Variants in CBFA2T2 observed in about 807,000 individuals in gnomAD.
The protein encoded by CBFA2T2 is protein CBFA2T2.
In CBFA2T2, 11 loss-of-function variants were observed where a neutral mutation model predicts 62.2. The observed-to-expected ratio is 0.18, with a 90% CI of 0.11 to 0.29. The LOEUF (loss-of-function observed/expected upper bound fraction) is 0.29, where lower values mean the gene tolerates loss of function less well. CBFA2T2 is among the 10% of genes least tolerant of loss of function. The pLI is 1.00. For synonymous variants in CBFA2T2, 295 were observed against 287.5 expected (o/e 1.03, Z -0.27); for missense variants, 592 against 774.1 (o/e 0.76, Z 2.79).
At chr20:33,529,357 A>T (rs1258399791) in intron 1 of CBFA2T2, among the ~76,000 whole-genome samples, 2 of 151,890 alleles carry the variant, frequency 1.3e-5, no homozygotes, top group Non-Finnish European at 2.9e-5. Flanking sequence ...ACATTTTCTC[A>T]CAGATTCATG....
chr20:33,578,311 C>CA (rs1259994516), intron 1 of CBFA2T2, among the ~76,000 whole-genome samples: 1 of 152,060 alleles, frequency 6.6e-6, no homozygotes, highest in African/African-American at 2.4e-5. Context: ...TAGATCCCCC[C>CA]AAAATGGTAA....
intron 1 of CBFA2T2, among the ~76,000 whole-genome samples, chr20:33,583,724 A>G (rs1260755165): frequency 6.6e-6 from 1 of 152,148 alleles, no homozygotes; most frequent in Non-Finnish European, 1.5e-5. Flanking sequence ...TGCTGTCTAC[A>G]GGGTGTGCTG....
intron 1 of CBFA2T2, among the ~76,000 whole-genome samples, chr20:33,576,205 AG>A (rs1600995174): frequency 6.6e-6 from 1 of 152,216 alleles, no homozygotes; most frequent in East Asian, 1.9e-4. Context: ...GAGTTTCTAA[AG>A]TGCCAGAGAC....
At chr20:33,601,839 C>T (rs1170038800) in intron 1 of CBFA2T2, 1 of 152,016 alleles carries the variant, frequency 6.6e-6, no homozygotes, top group East Asian at 1.9e-4. Context: ...GGGTCTCACC[C>T]TGTCACTCAG....
intron 1 of CBFA2T2, among the ~76,000 whole-genome samples, chr20:33,602,318 T>C (rs2122274765): frequency 6.6e-6 from 1 of 151,804 alleles, no homozygotes; most frequent in Non-Finnish European, 1.5e-5. Context: ...TCAACATGCT[T>C]TCTCCTTGAG....
intron 1 of CBFA2T2, among the ~76,000 whole-genome samples, chr20:33,499,390 A>G (rs571349760): frequency 1.3e-5 from 2 of 152,322 alleles, no homozygotes; most frequent in South Asian, 4.1e-4. Flanking sequence ...CACTCTGGTT[A>G]TTGTTTAGGC....
chr20:33,575,913 G>C (rs1378812927), intron 1 of CBFA2T2, among the ~76,000 whole-genome samples: 2 of 151,618 alleles, frequency 1.3e-5, no homozygotes, highest in African/African-American at 4.8e-5. Flanking sequence ...GAGTAGCTGG[G>C]ACTACAGGCG....
chr20:33,610,533 T>C (rs1410487224), intron 2 of CBFA2T2, among the ~76,000 whole-genome samples: 1 of 152,202 alleles, frequency 6.6e-6, no homozygotes, highest in African/African-American at 2.4e-5. Flanking sequence ...AGAGAGTAAC[T>C]GGCTCTAATG....
At position 33,611,189 on chromosome 20, in the gene CBFA2T2, G is replaced by C. The variant is rs780212801; in HGVS notation, c.274G>C (p.Ala92Pro). The C allele has an allele frequency of 6.2e-7, 1 of 1,614,116 alleles. No individual in the cohort carries two copies. Among genetic ancestry groups the C allele is most frequent in the Admixed American group, 1.7e-5 (1 of 60,008 alleles). The change falls in exon 3 of 11, where the codon GCA becomes CCA. Residue 92 changes from alanine (A) to proline (P), a missense_variant. Physicochemically the swap from Ala to Pro is conservative, Grantham distance 27 (BLOSUM62 -1). This residue lies in a region of CBFA2T2 where 449 missense variants were observed against 551.2 expected (regional missense o/e 0.81). Coordinates refer to ENST00000342704, the MANE Select transcript of CBFA2T2 (RefSeq NM_001032999.3). ...TGGTCCTGCCTCCTCCACATCATCT[G>C]CACTCACAAATCAGCAATTGCCAGC... ...SNGPASSTSS[A>P]LTNQQLPATC... is the part of the protein sequence containing the mutation.
chr20:33,616,976 T>C (rs945590021), intron 3 of CBFA2T2, among the ~76,000 whole-genome samples: 5 of 151,916 alleles, frequency 3.3e-5, no homozygotes, highest in African/African-American at 1.2e-4. Context: ...ACACCCATAA[T>C]CCCAGAATTT....
chr20:33,541,374 A>T (rs1465583807), intron 1 of CBFA2T2, among the ~76,000 whole-genome samples: 1 of 152,214 alleles, frequency 6.6e-6, no homozygotes, highest in Admixed American at 6.5e-5. Context: ...GCCCATCTCC[A>T]TTGGTTGGAG....
At chr20:33,598,378 C>T (rs1405997523) in intron 1 of CBFA2T2, among the ~76,000 whole-genome samples, 4 of 152,052 alleles carry the variant, frequency 2.6e-5, no homozygotes, top group African/African-American at 9.7e-5. Flanking sequence ...TACATCCAGG[C>T]GCGTATTCTC....
At chr20:33,592,586 A>C (rs571653626) in intron 1 of CBFA2T2, among the ~76,000 whole-genome samples, 1 of 152,074 alleles carries the variant, frequency 6.6e-6, no homozygotes, top group East Asian at 1.9e-4. Context: ...ATCGCCAGGC[A>C]TTGTAGCACA....
intron 2 of CBFA2T2, among the ~76,000 whole-genome samples, chr20:33,609,898 T>C (rs2015464291): frequency 6.6e-6 from 1 of 152,246 alleles, no homozygotes; most frequent in South Asian, 2.1e-4. Context: ...AAGTTTCACT[T>C]TTTTAGTTTT....
intron 1 of CBFA2T2, among the ~76,000 whole-genome samples, chr20:33,503,254 C>CTTT (rs557746879): frequency 4.4e-4 from 48 of 108,656 alleles, no homozygotes; most frequent in Non-Finnish European, 5.6e-4. Context: ...TTCTTTCTTT[C>CTTT]TTTTTTTTTT....
At position 33,515,717 on chromosome 20, in the gene CBFA2T2, C is replaced by A. The variant is rs187277038; in HGVS notation, c.34+25416C>A. On this transcript the variant is annotated intron_variant, in intron 1 of 10. Coordinates refer to ENST00000342704, the MANE Select transcript of CBFA2T2 (RefSeq NM_001032999.3). ...TTGGGAGGCTGAGACAAGAGAATCA[C>A]TTGAACTCGGGAGGCAGAGGTTGCA... Among the ~76,000 whole-genome samples, 282 of 137,912 alleles carry A rather than the reference C, an allele frequency of 2.0e-3. 2 individuals carry two copies. The highest frequency in any genetic ancestry group is 7.3e-3 in the African/African-American group (269 of 36,894). 90.5% of individuals were successfully genotyped at this position (137,912 alleles called of 152,430 possible).
At chr20:33,537,041 C>T (rs1222743259) in intron 1 of CBFA2T2, among the ~76,000 whole-genome samples, 8 of 151,110 alleles carry the variant, frequency 5.3e-5, no homozygotes, top group South Asian at 2.1e-4. Flanking sequence ...ACGTCCCAGA[C>T]GATGGGCGGC....
chr20:33,623,034 T>C (rs1370702905), intron 4 of CBFA2T2, 81 bp from the exon 5 acceptor site: 8 of 1,340,870 alleles, frequency 6.0e-6, no homozygotes, highest in Non-Finnish European at 7.3e-6. Flanking sequence ...TCTTGTATCA[T>C]CTGCTTTGTG....
chr20:33,552,945 A>G (rs1227937794), intron 1 of CBFA2T2, among the ~76,000 whole-genome samples: 1 of 151,954 alleles, frequency 6.6e-6, no homozygotes, highest in Non-Finnish European at 1.5e-5. Flanking sequence ...CCTCTGTCAA[A>G]TTTCATTTCA....
Sources: gnomAD v4.1 joint callset for allele counts (sites outside exome capture counted in the v4.1 genomes callset) on GRCh38, gnomAD v4.1.1 for gene constraint, gnomAD v4.1.1 regional missense constraint, MANE v1.5 for transcripts, NCBI Gene and HGNC (gene_info 2026-07-23, HGNC 2026-07-21) for gene names.